The following NXN variants were observed in gnomAD, a reference collection of about 807,000 sequenced individuals.
The protein encoded by NXN is nucleoredoxin 1.
A neutral mutation model predicts 48.6 loss-of-function variants in NXN; 16 were observed. The ratio of observed to expected loss-of-function variants is 0.33; its 90% CI spans 0.22 to 0.50. The LOEUF (loss-of-function observed/expected upper bound fraction) is 0.50. Among genes scored for constraint, NXN ranks in the 20% least tolerant of loss-of-function variants. NXN has a pLI of 0.98. For missense variants in NXN, 492 were observed against 605.5 expected (o/e 0.81, Z 1.97); for synonymous variants, 281 against 269.6 (o/e 1.04, Z -0.41).
rs920757983 is a variant in NXN, at chr17:864,042, G to A, written c.361-37964C>T. 40 of 1,507,802 alleles carry A rather than the reference G, an allele frequency of 2.7e-5. No homozygotes were observed. The highest frequency in any genetic ancestry group is 1.0e-4 in the Admixed American group (5 of 48,988). 93.4% of individuals were successfully genotyped at this position (1,507,802 alleles called of 1,614,324 possible). ...TTGCTGGGTTCCGGTGAAGGGACAC[G>A]TCTGCCATTGCTCGGTTCCGGTGAA... is the stretch of plus-strand genomic sequence containing the variant. On this transcript the variant is annotated intron_variant, in intron 1 of 7. Coordinates refer to ENST00000336868, the MANE Select transcript of NXN (RefSeq NM_022463.5).
intron 1 of NXN, among the ~76,000 whole-genome samples, chr17:924,333 T>G (rs2068777631): frequency 6.6e-6 from 1 of 152,114 alleles, no homozygotes; most frequent in Non-Finnish European, 1.5e-5. Context: ...ACCTCCTGGG[T>G]TCAAGCGATT....
At chr17:928,788 A>T (rs2068825958) in intron 1 of NXN, among the ~76,000 whole-genome samples, 1 of 152,202 alleles carries the variant, frequency 6.6e-6, no homozygotes, top group African/African-American at 2.4e-5. Context: ...GTGAGCCGAG[A>T]TCATGCCACT....
intron 5 of NXN, among the ~76,000 whole-genome samples, chr17:817,637 C>T (rs568491633): frequency 2.0e-5 from 3 of 150,656 alleles, no homozygotes; most frequent in Non-Finnish European, 4.4e-5. Context: ...CCACTGCACT[C>T]CAGCCAGGGC....
intron 1 of NXN, among the ~76,000 whole-genome samples, chr17:872,536 G>A (rs534812561): frequency 1.3e-5 from 2 of 150,468 alleles, no homozygotes; most frequent in Non-Finnish European, 3.0e-5. Context: ...GTGCCAACAT[G>A]AGTGAGCTAG....
chr17:891,243 T>C (rs2068413859), intron 1 of NXN, among the ~76,000 whole-genome samples: 1 of 152,050 alleles, frequency 6.6e-6, no homozygotes, highest in African/African-American at 2.4e-5. Context: ...CCCAGCTAAT[T>C]TTTTGTAGAA....
chr17:934,911 C>G (rs1238997414), intron 1 of NXN, among the ~76,000 whole-genome samples: 1 of 152,116 alleles, frequency 6.6e-6, no homozygotes, highest in Non-Finnish European at 1.5e-5. Flanking sequence ...AGCCCAGTCC[C>G]AAGCGGACTG....
intron 5 of NXN, among the ~76,000 whole-genome samples, chr17:806,171 G>T (rs1241005158): frequency 8.4e-6 from 1 of 119,212 alleles, no homozygotes; most frequent in Non-Finnish European, 1.7e-5. Context: ...CCCGCCGTCT[G>T]CACCCCAGCA....
At chr17:976,130 A>G (rs889988010) in intron 1 of NXN, among the ~76,000 whole-genome samples, 1 of 152,136 alleles carries the variant, frequency 6.6e-6, no homozygotes, top group Non-Finnish European at 1.5e-5. Context: ...TGTACCTACC[A>G]TGACAACAGG....
At chr17:948,009 C>CCA (rs1472162453) in intron 1 of NXN, among the ~76,000 whole-genome samples, 22 of 151,754 alleles carry the variant, frequency 1.4e-4, no homozygotes, top group African/African-American at 5.3e-4. Flanking sequence ...AGAGATGGCA[C>CCA]CACAGCACTC....
intron 1 of NXN, among the ~76,000 whole-genome samples, chr17:870,792 G>A (rs1422797071): frequency 6.6e-6 from 1 of 151,090 alleles, no homozygotes; most frequent in South Asian, 2.1e-4. Flanking sequence ...ACCCCACCCA[G>A]TCTTTCTTTC....
At chr17:842,296 A>AC (rs1404925710) in intron 1 of NXN, among the ~76,000 whole-genome samples, 1 of 152,184 alleles carries the variant, frequency 6.6e-6, no homozygotes, top group Non-Finnish European at 1.5e-5. Context: ...AGAATTTTAT[A>AC]CAGAAACAGT....
chr17:916,534 T>C (rs1194086044), intron 1 of NXN, among the ~76,000 whole-genome samples: 1 of 152,148 alleles, frequency 6.6e-6, no homozygotes, highest in Non-Finnish European at 1.5e-5. Flanking sequence ...AAATGTGAAA[T>C]TGCACCCCAG....
At chr17:887,778 T>C (rs1367854052) in intron 1 of NXN, among the ~76,000 whole-genome samples, 3 of 148,964 alleles carry the variant, frequency 2.0e-5, no homozygotes, top group African/African-American at 7.8e-5. Context: ...TCTACATGCC[T>C]TTTCCACCTC....
At chr17:881,107 G>C (rs2068278836) in intron 1 of NXN, among the ~76,000 whole-genome samples, 2 of 152,168 alleles carry the variant, frequency 1.3e-5, no homozygotes, top group Non-Finnish European at 2.9e-5. Flanking sequence ...ATATGCAAAG[G>C]TGTCATCAAG....
rs143579008 is a variant in NXN at position 930,904 on chromosome 17, T to C, written c.360+48415A>G. Among the ~76,000 whole-genome samples the C allele has an allele frequency of 6.5e-3, 995 of 151,978 alleles. 13 individuals carry two copies. The highest frequency in any genetic ancestry group is 0.022 in the African/African-American group (928 of 41,446). On this transcript the variant is annotated intron_variant, in intron 1 of 7. Transcript: ENST00000336868. ...CTCCTGCCTCAGCCTCCTGAGTAGC[T>C]GGGACTACAGGTGTGAGCCACCACG...
chr17:831,179 G>A (rs995124394), intron 1 of NXN, among the ~76,000 whole-genome samples: 1 of 151,904 alleles, frequency 6.6e-6, no homozygotes, highest in African/African-American at 2.4e-5. Context: ...TTGCCCCTTG[G>A]CTGGGTGCCG....
At chr17:947,977 G>A (rs180703820) in intron 1 of NXN, among the ~76,000 whole-genome samples, 282 of 151,926 alleles carry the variant, frequency 1.9e-3, no homozygotes, top group African/African-American at 6.4e-3. Context: ...CTTAAACCCG[G>A]GAGGCGGAGG....
At chr17:946,936 T>G (rs2069050456) in intron 1 of NXN, among the ~76,000 whole-genome samples, 1 of 152,170 alleles carries the variant, frequency 6.6e-6, no homozygotes, top group Admixed American at 6.5e-5. Flanking sequence ...GTTCACAGCT[T>G]CAGGGCCAGA....
intron 1 of NXN, among the ~76,000 whole-genome samples, chr17:974,920 G>A (rs2069440477): frequency 6.6e-6 from 1 of 151,870 alleles, no homozygotes; most frequent in South Asian, 2.1e-4. Context: ...TCCACCTCCT[G>A]GGTTTAAGCA....
Sources: gnomAD v4.1 joint callset for allele counts (sites outside exome capture counted in the v4.1 genomes callset) on GRCh38, gnomAD v4.1.1 for gene constraint, MANE v1.5 for transcripts, NCBI Gene and HGNC (gene_info 2026-07-23, HGNC 2026-07-21) for gene names.